The following WDPCP variants were observed in gnomAD, a reference collection of about 807,000 sequenced individuals.
WDPCP encodes the protein WD repeat containing planar cell polarity effector.
WDPCP carries 71 observed loss-of-function variants against 93.1 expected under a neutral mutation model. The observed-to-expected ratio is 0.76, with a 90% confidence interval of 0.63 to 0.93. The LOEUF (loss-of-function observed/expected upper bound fraction) is 0.93. WDPCP is among the 40% of genes least tolerant of loss of function. The pLI is 0.00. For missense variants in WDPCP, 844 were observed against 887.4 expected, an observed-to-expected ratio of 0.95 and a Z score of 0.62; for synonymous variants, 315 against 315.0, an observed-to-expected ratio of 1.00 and a Z score of 0.00.
chr2:63,451,631 G>C (rs1032394865), intron 6 of WDPCP, among the ~76,000 whole-genome samples: 5 of 152,068 alleles, frequency 3.3e-5, no homozygotes, highest in African/African-American at 1.2e-4. Flanking sequence ...GCCTGGCAGA[G>C]ACACAACAAA....
At chr2:63,369,435 G>A (rs1488814364) in intron 12 of WDPCP, 1 of 456,460 alleles carries the variant, frequency 2.2e-6, no homozygotes, top group Non-Finnish European at 4.4e-6. Flanking sequence ...TATAAAAGTG[G>A]TCCTCTACCC....
intron 2 of WDPCP, among the ~76,000 whole-genome samples, chr2:63,654,394 A>G (rs1710142038): frequency 6.6e-6 from 1 of 152,248 alleles, no homozygotes; most frequent in Non-Finnish European, 1.5e-5. Flanking sequence ...GTAGGTCTAG[A>G]TGGGCAAGGC....
chr2:63,743,129 G>A (rs967899095), intron 2 of WDPCP, among the ~76,000 whole-genome samples: 1 of 152,050 alleles, frequency 6.6e-6, no homozygotes, highest in Non-Finnish European at 1.5e-5. Context: ...TTTGAATCCA[G>A]ATCTGTCCCA....
At chr2:63,160,885 T>C (rs1474109801) in intron 15 of WDPCP, among the ~76,000 whole-genome samples, 1 of 152,192 alleles carries the variant, frequency 6.6e-6, no homozygotes, top group East Asian at 1.9e-4. Flanking sequence ...TGTGATGTAA[T>C]AGGAAGCCCA....
intron 14 of WDPCP, among the ~76,000 whole-genome samples, chr2:63,241,128 T>C (rs1166274977): frequency 6.6e-6 from 1 of 152,218 alleles, no homozygotes; most frequent in Non-Finnish European, 1.5e-5. Flanking sequence ...AATCATAGCA[T>C]ACTTAATAAG....
chr2:63,382,672 T>C (rs976526652), intron 10 of WDPCP, among the ~76,000 whole-genome samples: 4 of 152,112 alleles, frequency 2.6e-5, no homozygotes, highest in African/African-American at 9.7e-5. Flanking sequence ...ATCATCATCA[T>C]CATTTAACTG....
chr2:63,504,326 G>C (rs1200821026), intron 1 of WDPCP, among the ~76,000 whole-genome samples: 2 of 51,598 alleles, frequency 3.9e-5, no homozygotes, highest in Non-Finnish European at 9.3e-5. Flanking sequence ...GTACTAAATT[G>C]TGTGTGTGTG....
chr2:63,449,933 C>T (rs1304696508), intron 6 of WDPCP, among the ~76,000 whole-genome samples: 1 of 152,118 alleles, frequency 6.6e-6, no homozygotes, highest in African/African-American at 2.4e-5. Flanking sequence ...CTGGTTGGTC[C>T]CAAAGGTGCC....
chr2:63,131,482 CT>C (rs1177889010), intron 17 of WDPCP, among the ~76,000 whole-genome samples: 2 of 151,942 alleles, frequency 1.3e-5, no homozygotes, highest in African/African-American at 2.4e-5. Flanking sequence ...ACAGTTCCTC[CT>C]TTTTTTATTG....
chr2:63,587,199 A>G (rs1184372293), intron 1 of WDPCP, among the ~76,000 whole-genome samples: 1 of 152,230 alleles, frequency 6.6e-6, no homozygotes, highest in Non-Finnish European at 1.5e-5. Flanking sequence ...AGTTTTTGAC[A>G]TTAAAAGTAG....
intron 14 of WDPCP, among the ~76,000 whole-genome samples, chr2:63,204,340 T>TC (rs1246849498): frequency 5.6e-5 from 8 of 141,986 alleles, no homozygotes; most frequent in Admixed American, 4.9e-4. Flanking sequence ...GTTTGCCTTT[T>TC]TTTTTTTTTT....
intron 3 of WDPCP, among the ~76,000 whole-genome samples, chr2:63,621,439 A>G (rs949742349): frequency 2.6e-5 from 4 of 152,030 alleles, no homozygotes; most frequent in African/African-American, 9.7e-5. Flanking sequence ...TTGAAGATCA[A>G]CTTAATGAAA....
intron 1 of WDPCP, among the ~76,000 whole-genome samples, chr2:63,538,556 C>A (rs796258618): frequency 6.6e-6 from 1 of 152,142 alleles, no homozygotes; most frequent in East Asian, 1.9e-4. Flanking sequence ...AGATGATTTC[C>A]ATATCCTAAC....
At chr2:63,230,203 G>C (rs1678726286) in intron 14 of WDPCP, among the ~76,000 whole-genome samples, 1 of 150,500 alleles carries the variant, frequency 6.6e-6, no homozygotes, top group African/African-American at 2.4e-5. Flanking sequence ...TTCTGTCCTT[G>C]TGATAGTTTG....
chr2:63,405,589 G>A (rs2105205922), intron 9 of WDPCP, among the ~76,000 whole-genome samples: 1 of 148,982 alleles, frequency 6.7e-6, no homozygotes, highest in African/African-American at 2.5e-5. Context: ...GTGTGTGTTG[G>A]CGGGGGTGGT....
intron 2 of WDPCP, among the ~76,000 whole-genome samples, chr2:63,776,057 C>T (rs1318520943): frequency 6.6e-6 from 1 of 150,732 alleles, no homozygotes; most frequent in Non-Finnish European, 1.5e-5. Context: ...GAGTGAGACT[C>T]TGCCTATAAA....
chr2:63,702,995 G>T (rs1404828451), intron 2 of WDPCP, among the ~76,000 whole-genome samples: 1 of 151,974 alleles, frequency 6.6e-6, no homozygotes, highest in African/African-American at 2.4e-5. Flanking sequence ...CCTTGCAATA[G>T]TTTGCTGAGA....
At chr2:63,765,497 T>C (rs1042076260) in intron 2 of WDPCP, among the ~76,000 whole-genome samples, 2 of 152,218 alleles carry the variant, frequency 1.3e-5, no homozygotes, top group African/African-American at 4.8e-5. Flanking sequence ...TGTTGTAAGG[T>C]TGTGGGGTAT....
intron 6 of WDPCP, among the ~76,000 whole-genome samples, chr2:63,476,699 T>C (rs956010113): frequency 2.0e-5 from 3 of 152,184 alleles, no homozygotes; most frequent in African/African-American, 7.2e-5. Context: ...TGATGAGTTT[T>C]GTATAAATAA....
Sources: gnomAD v4.1 joint callset for allele counts (sites outside exome capture counted in the v4.1 genomes callset) on GRCh38, gnomAD v4.1.1 for gene constraint, MANE v1.5 for transcripts, NCBI Gene and HGNC (gene_info 2026-07-23, HGNC 2026-07-21) for gene names.